The following GRID2 variants were observed in gnomAD, a reference collection of about 807,000 sequenced individuals.
The protein encoded by GRID2 is glutamate ionotropic receptor delta type subunit 2, also known as glutamate receptor ionotropic, delta-2.
In GRID2, 33 loss-of-function variants were observed where a neutral mutation model predicts 114.8. The observed-to-expected ratio is 0.29, with a 90% CI of 0.22 to 0.38. The LOEUF (loss-of-function observed/expected upper bound fraction) is 0.38, where lower values mean the gene tolerates loss of function less well. Ranked by LOEUF, GRID2 falls within the 10% of genes least tolerant of loss-of-function variation. The pLI is 1.00. For synonymous variants in GRID2, 505 were observed against 449.9 expected (o/e 1.12, Z -1.55); for missense variants, 1,184 against 1,257.7 (o/e 0.94, Z 0.89).
intron 5 of GRID2, among the ~76,000 whole-genome samples, chr4:93,214,737 T>C (rs920046467): frequency 3.0e-4 from 46 of 152,162 alleles, no homozygotes; most frequent in Non-Finnish European, 5.9e-4. Context: ...CCCTTTTCCC[T>C]TTTTGTGGGT....
chr4:92,393,034 C>A (rs1024968783), intron 1 of GRID2, among the ~76,000 whole-genome samples: 1 of 152,050 alleles, frequency 6.6e-6, no homozygotes, highest in South Asian at 2.1e-4. Context: ...TTCTGGAGAG[C>A]CCTCAGGGAG....
chr4:93,536,755 A>T (rs1732128765), intron 13 of GRID2, among the ~76,000 whole-genome samples: 1 of 151,282 alleles, frequency 6.6e-6, no homozygotes, highest in Non-Finnish European at 1.5e-5. Flanking sequence ...TGAAAAAGAG[A>T]CCACACAATG....
intron 2 of GRID2, among the ~76,000 whole-genome samples, chr4:93,048,789 G>A (rs1222733142): frequency 2.0e-5 from 3 of 152,058 alleles, no homozygotes; most frequent in Non-Finnish European, 4.4e-5. Flanking sequence ...AAAGACAGTA[G>A]TTGTAAGTTT....
At chr4:93,108,872 G>GC (rs948129675) in intron 3 of GRID2, among the ~76,000 whole-genome samples, 42 of 152,022 alleles carry the variant, frequency 2.8e-4, no homozygotes, top group South Asian at 2.3e-3. Context: ...CTCATGATCT[G>GC]CCCCCCTCGG....
intron 5 of GRID2, among the ~76,000 whole-genome samples, chr4:93,214,110 A>G (rs142077808): frequency 6.6e-6 from 1 of 152,198 alleles, no homozygotes; most frequent in Non-Finnish European, 1.5e-5. Context: ...TAAATTACTT[A>G]GAGCTCAGGA....
intron 2 of GRID2, among the ~76,000 whole-genome samples, chr4:92,736,644 G>C (rs1736612988): frequency 6.6e-6 from 1 of 151,990 alleles, no homozygotes; most frequent in Non-Finnish European, 1.5e-5. Context: ...GTCCATTTAG[G>C]AGTTCTAAAT....
At chr4:93,588,797 A>T (rs896807705) in intron 13 of GRID2, among the ~76,000 whole-genome samples, 32 of 152,296 alleles carry the variant, frequency 2.1e-4, no homozygotes, top group African/African-American at 6.5e-4. Flanking sequence ...ACAACAAGAT[A>T]AATTTGTAAT....
In GRID2 at chr4:93,535,231, TACACACACAC is replaced by T. The variant is rs141785727; in HGVS notation, c.2193+19851_2193+19860del. Among the ~76,000 whole-genome samples, 328 of 142,282 alleles carry T rather than the reference TACACACACAC, an allele frequency of 2.3e-3. 1 individual carries two copies. The highest frequency in any genetic ancestry group is 6.1e-3 in the African/African-American group (238 of 38,864). The allele number at this position is 142,282 out of a possible 152,430, so 93.3% of individuals were successfully genotyped here. A position where few individuals can be genotyped will look rare whatever the true frequency, so the allele number is the denominator to read the frequency against. ...TCCATTTTATACACACACATACACATACACACACACACACACACACACACACACACACACA... is the reference window on the plus strand; with the variant it reads ...TCCATTTTATACACACACATACACATACACACACACACACACACACACACA... On this transcript the variant is annotated intron_variant, in intron 13 of 15. Transcript: ENST00000282020.
intron 1 of GRID2, among the ~76,000 whole-genome samples, chr4:92,545,870 A>AAGG (rs988313553): frequency 6.6e-6 from 1 of 151,930 alleles, no homozygotes; most frequent in Non-Finnish European, 1.5e-5. Flanking sequence ...GCCTTAAGTA[A>AAGG]AGGCTAACAT....
intron 1 of GRID2, among the ~76,000 whole-genome samples, chr4:92,560,205 A>G (rs1727044267): frequency 6.6e-6 from 1 of 152,150 alleles, no homozygotes; most frequent in African/African-American, 2.4e-5. Flanking sequence ...ATGCAGCTGG[A>G]TTCATAGTGT....
At chr4:92,600,578 G>A (rs1308862936) in intron 2 of GRID2, among the ~76,000 whole-genome samples, 1 of 152,086 alleles carries the variant, frequency 6.6e-6, no homozygotes, top group Non-Finnish European at 1.5e-5. Context: ...GGACTTTTTC[G>A]TTGATGCTGT....
intron 14 of GRID2, among the ~76,000 whole-genome samples, chr4:93,670,635 C>G (rs1472162406): frequency 6.6e-6 from 1 of 152,190 alleles, no homozygotes; most frequent in African/African-American, 2.4e-5. Context: ...TACGGTGCAT[C>G]AGTGTCTGCC....
At chr4:93,613,915 T>C (rs1360367247) in intron 13 of GRID2, among the ~76,000 whole-genome samples, 108 of 151,708 alleles carry the variant, frequency 7.1e-4, no homozygotes, top group East Asian at 4.5e-3. Context: ...CCCAGCCTAG[T>C]TGCCGCCTTG....
intron 1 of GRID2, among the ~76,000 whole-genome samples, chr4:92,572,016 CA>C (rs1194001160): frequency 2.0e-5 from 3 of 151,864 alleles, no homozygotes; most frequent in South Asian, 2.1e-4. Context: ...TAGCAGAAAG[CA>C]AGAAATAACT....
At position 92,965,450 on chromosome 4, in the gene GRID2, T is replaced by TG. The variant is rs1393372287; in HGVS notation, c.245-119545_245-119544insG. ...AGGGTTGCCATAAACATTCAATTTG[T>TG]AAAAAAAAAAAAAAAAAAAAAAAAA... On this transcript the variant is annotated intron_variant, in intron 2 of 15. Transcript: ENST00000282020. Among the ~76,000 whole-genome samples, 14 of 85,778 alleles carry TG rather than the reference T, an allele frequency of 1.6e-4. No homozygotes were observed. The East Asian group carries it at 2.6e-3, about 16-fold the overall frequency. The allele number at this position is 85,778 out of a possible 152,430, so 56.3% of individuals were successfully genotyped here.
chr4:92,762,731 T>C (rs1738078926), intron 2 of GRID2, among the ~76,000 whole-genome samples: 1 of 152,220 alleles, frequency 6.6e-6, no homozygotes, highest in African/African-American at 2.4e-5. Context: ...ATAAAGACTT[T>C]CCAAAGGAAT....
At chr4:92,711,289 G>C (rs1253018068) in intron 2 of GRID2, among the ~76,000 whole-genome samples, 1 of 152,172 alleles carries the variant, frequency 6.6e-6, no homozygotes, top group East Asian at 1.9e-4. Context: ...TTAGTTGAAT[G>C]TGTTTTAACT....
intron 2 of GRID2, among the ~76,000 whole-genome samples, chr4:93,071,309 G>C (rs1728783991): frequency 1.3e-5 from 2 of 151,982 alleles, no homozygotes; most frequent in Admixed American, 1.3e-4. Flanking sequence ...CACCTTTCCT[G>C]TTTACTCAAT....
intron 1 of GRID2, among the ~76,000 whole-genome samples, chr4:92,464,877 G>T (rs1172028601): frequency 6.6e-6 from 1 of 152,116 alleles, no homozygotes; most frequent in Non-Finnish European, 1.5e-5. Context: ...GGAAGGACCT[G>T]GTGGGAGGTG....
Sources: gnomAD v4.1 joint callset for allele counts (sites outside exome capture counted in the v4.1 genomes callset) on GRCh38, gnomAD v4.1.1 for gene constraint, MANE v1.5 for transcripts, NCBI Gene and HGNC (gene_info 2026-07-23, HGNC 2026-07-21) for gene names.